NUP107: variants seen among roughly 807,000 people sequenced by gnomAD.
NUP107 encodes the protein nuclear pore complex protein Nup107.
A neutral mutation model predicts 141.0 loss-of-function variants in NUP107; 101 were observed. That is an observed-to-expected ratio of 0.72 (90% CI 0.61 to 0.84). The LOEUF (loss-of-function observed/expected upper bound fraction) is 0.84. Ranked by LOEUF, NUP107 falls within the 40% of genes least tolerant of loss-of-function variation. The probability of loss-of-function intolerance (pLI) is 0.00; values close to 1 mark genes in which losing one functional copy is unlikely to be tolerated. For missense variants in NUP107, 941 were observed against 1,102.7 expected (o/e 0.85, Z 2.08); for synonymous variants, 319 against 363.9 (o/e 0.88, Z 1.41).
Position 68,689,025 on chromosome 12 carries a change from G to C in NUP107, c.72G>C (p.Arg24=), listed in dbSNP as rs2259588. Residue 24 remains arginine, a synonymous_variant, in exon 2 of 28, where the codon CGG becomes CGC. Transcript: ENST00000229179. The part of the protein sequence containing the change: ...IREAEVTRTA[R]KQSAQKRVLL... The stretch of plus-strand genomic sequence containing the variant: ...AGGCAGAGGTGACACGGACTGCACG[G>C]AAACAGAGTGCTCAGAAAAGAGTTT... The C allele has an allele frequency of 1.2e-6, 2 of 1,613,066 alleles. No homozygotes were observed. The highest frequency in any genetic ancestry group is 2.2e-5 in the South Asian group (2 of 90,970).
chr12:68,692,261 T>TTG lies in NUP107; in HGVS notation c.448+159_448+160dup, dbSNP rs1875835352. Reference sequence around the variant, plus strand: ...AGAGAGTAGCTTAAACAACAGATTTTTGTGTGTGTGTTTTTTGAGACAAGA... The same window carrying TTG: ...AGAGAGTAGCTTAAACAACAGATTTTTGTGTGTGTGTGTTTTTTGAGACAAGA... On this transcript the variant is annotated intron_variant, in intron 5 of 27. Coordinates refer to ENST00000229179, the MANE Select transcript of NUP107 (RefSeq NM_020401.4). The TTG allele has an allele frequency of 7.5e-6, 6 of 801,262 alleles. No individual in the cohort carries two copies. In the South Asian group the frequency reaches 8.7e-5, roughly 12 times the overall value. 49.6% of individuals were successfully genotyped at this position (801,262 alleles called of 1,614,324 possible). A position where few individuals can be genotyped will look rare whatever the true frequency, so the allele number is the denominator to read the frequency against.
In NUP107 at chr12:68,742,434, AC is replaced by A; in HGVS notation, c.2753del (p.Pro918HisfsTer2). 1 of 1,596,800 alleles carries A rather than the reference AC, an allele frequency of 6.3e-7. No individual in the cohort carries two copies. Among genetic ancestry groups the A allele is most frequent in the African/African-American group, 1.3e-5 (1 of 74,538 alleles). ...CTAATGCTCCTAGACCAGGGACTTGACCCATTAGGGTATGAAATTCAGTTAT... is the reference window on the plus strand; with the variant it reads ...CTAATGCTCCTAGACCAGGGACTTGACCATTAGGGTATGAAATTCAGTTAT... ...SSLMLLDQGL[D>X]PLGYEIQL is the part of the protein sequence containing the mutation. On this transcript the variant is annotated frameshift_variant, in exon 28 of 28. Coordinates refer to ENST00000229179, the MANE Select transcript of NUP107 (RefSeq NM_020401.4). LOFTEE classifies it high-confidence loss of function.
chr12:68,735,854 C>T (rs962663751), intron 26 of NUP107, among the ~76,000 whole-genome samples: 1 of 152,008 alleles, frequency 6.6e-6, no homozygotes, highest in Non-Finnish European at 1.5e-5. Flanking sequence ...GTGTTGAGAA[C>T]CAGCTACAGA....
chr12:68,716,289 T>C (rs1877111060), intron 12 of NUP107, among the ~76,000 whole-genome samples: 1 of 145,610 alleles, frequency 6.9e-6, no homozygotes, highest in Admixed American at 7.2e-5. Context: ...TAGACTGGAA[T>C]GCAGTGATAT....
Position 68,702,752 on chromosome 12 carries a change from G to A in NUP107, c.697G>A (p.Ala233Thr). Residue 233 changes from alanine (A) to threonine (T), a missense_variant, in exon 8 of 28, where the codon GCA (alanine) becomes ACA (threonine). Transcript: ENST00000229179. ...TTTCCCCAGAGACAGAATACAGTCT[G>A]CATTAGAAGAGGAAAGTGTATTCGC... is the stretch of plus-strand genomic sequence containing the variant. ...ASLYRDRIQS[A>T]LEEESVFAVT... is the part of the protein sequence containing the mutation. 1 of 1,547,376 alleles carries A rather than the reference G, an allele frequency of 6.5e-7. No homozygotes were observed.
chr12:68,695,055 C>A (rs752617820), intron 5 of NUP107, among the ~76,000 whole-genome samples: 1 of 152,192 alleles, frequency 6.6e-6, no homozygotes, highest in Non-Finnish European at 1.5e-5. Flanking sequence ...TACTGCCTTA[C>A]ACCCGTTAGT....
At chr12:68,718,056 A>T (rs1877187555) in intron 12 of NUP107, among the ~76,000 whole-genome samples, 1 of 152,182 alleles carries the variant, frequency 6.6e-6, no homozygotes, top group Admixed American at 6.5e-5. Flanking sequence ...TTTCAGCAGG[A>T]TCCAGGAACT....
chr12:68,708,876 C>T (rs1398878106), intron 8 of NUP107, among the ~76,000 whole-genome samples: 1 of 152,168 alleles, frequency 6.6e-6, no homozygotes, highest in African/African-American at 2.4e-5. Flanking sequence ...GCCTCGGCCT[C>T]CCAAAGTGCT....
chr12:68,725,837 G>GGT (rs376106399), intron 18 of NUP107, 41 bp downstream of exon 18: 14,751 of 619,018 alleles, frequency 0.024, 403 homozygotes, highest in East Asian at 0.03. Flanking sequence ...TTTTGTGTGT[G>GGT]TTTTTTTTTT....
intron 26 of NUP107, among the ~76,000 whole-genome samples, chr12:68,738,591 G>A (rs772092783): frequency 3.9e-5 from 6 of 152,182 alleles, no homozygotes; most frequent in Non-Finnish European, 1.5e-5. Context: ...TACAAGGCAC[G>A]GCTGTACACA....
chr12:68,725,387 C>T (rs1388160988), intron 17 of NUP107, among the ~76,000 whole-genome samples: 1 of 152,134 alleles, frequency 6.6e-6, no homozygotes, highest in Non-Finnish European at 1.5e-5. Context: ...GCTTAGGTCA[C>T]ATGAGTTCTT....
At chr12:68,721,048 A>G in intron 14 of NUP107, 70 bp from the exon 15 acceptor site, 1 of 1,046,688 alleles carries the variant, frequency 9.6e-7, no homozygotes, top group East Asian at 2.4e-5. Flanking sequence ...GCAAGACTCC[A>G]CATTATGAGG....
At chr12:68,741,220 A>G (rs1878307053) in intron 26 of NUP107, among the ~76,000 whole-genome samples, 1 of 152,146 alleles carries the variant, frequency 6.6e-6, no homozygotes, top group Non-Finnish European at 1.5e-5. Context: ...AGATCCATGT[A>G]TGTATAAAGG....
rs544591786 is a variant in NUP107 at position 68,703,341 on chromosome 12, C to G, written c.729+557C>G. ...TCCTACCAGACATTTTTCTATGCAT[C>G]TTTATAGATACATACATATATATAA... On this transcript the variant is annotated intron_variant, in intron 8 of 27. Transcript: ENST00000229179. 6.5e-4 allele frequency among the ~76,000 whole-genome samples: 99 copies of G among 152,162 alleles called. 1 individual carries two copies. The highest frequency in any genetic ancestry group is 1.3e-3 in the Non-Finnish European group (86 of 68,012).
chr12:68,702,664 C>A, intron 7 of NUP107, 72 bp from the exon 8 acceptor site: 2 of 1,043,288 alleles, frequency 1.9e-6, no homozygotes, highest in Non-Finnish European at 2.8e-6. Context: ...TTCCTTCTCT[C>A]AGATGCTCAG....
chr12:68,717,850 T>A (rs1475140113), intron 12 of NUP107, among the ~76,000 whole-genome samples: 1 of 152,254 alleles, frequency 6.6e-6, no homozygotes, highest in Non-Finnish European at 1.5e-5. Flanking sequence ...TTTTCCATGT[T>A]AATTCTTACA....
At chr12:68,737,499 T>G (rs1437048170) in intron 26 of NUP107, among the ~76,000 whole-genome samples, 1 of 143,578 alleles carries the variant, frequency 7.0e-6, no homozygotes, top group Non-Finnish European at 1.5e-5. Flanking sequence ...AGGCAGAGGT[T>G]GCAGTGAGCC....
At chr12:68,696,133 A>G (rs1876040629) in intron 5 of NUP107, among the ~76,000 whole-genome samples, 3 of 151,908 alleles carry the variant, frequency 2.0e-5, no homozygotes, top group South Asian at 4.2e-4. Context: ...TGGGAGGCCA[A>G]GGTGGGCGGA....
chr12:68,702,898 CA>C, intron 8 of NUP107, 114 bp downstream of exon 8: 1 of 528,904 alleles, frequency 1.9e-6, no homozygotes, highest in South Asian at 2.7e-5. Context: ...GGCTGGAGGG[CA>C]ATGGCGTGAT....
Sources: allele counts gnomAD v4.1 joint callset (sites outside exome capture counted in the v4.1 genomes callset), GRCh38; gene constraint gnomAD v4.1.1; transcripts MANE v1.5; gene names NCBI Gene and HGNC (gene_info 2026-07-23, HGNC 2026-07-21).